Variants in PGPEP1L observed in about 807,000 individuals in gnomAD.
PGPEP1L encodes pyroglutamyl-peptidase 1-like protein.
PGPEP1L carries 7 observed loss-of-function variants against 6.0 expected under a neutral mutation model. The observed-to-expected ratio is 1.17, with a 90% confidence interval of 0.66 to 2.19. The LOEUF (loss-of-function observed/expected upper bound fraction) is 2.19. PGPEP1L is among the 30% of genes most tolerant of loss of function. PGPEP1L has a pLI of 0.00. For synonymous variants in PGPEP1L, 103 were observed against 83.9 expected, an observed-to-expected ratio of 1.23 and a Z score of -1.24; for missense variants, 209 against 192.5, an observed-to-expected ratio of 1.09 and a Z score of -0.51.
chr15:98,993,785 C>T (rs2017850512), intron 2 of PGPEP1L, among the ~76,000 whole-genome samples: 1 of 151,630 alleles, frequency 6.6e-6, no homozygotes, highest in South Asian at 2.1e-4. Context: ...AACAAACCTG[C>T]ACGTTCTGCA....
chr15:99,000,731 C>T (rs1222853879), intron 2 of PGPEP1L, among the ~76,000 whole-genome samples: 2 of 152,068 alleles, frequency 1.3e-5, no homozygotes, highest in Non-Finnish European at 2.9e-5. Flanking sequence ...CACCAATCAG[C>T]ACCCTGTCAA....
intron 2 of PGPEP1L, among the ~76,000 whole-genome samples, chr15:98,989,220 G>A (rs1488545201): frequency 6.6e-6 from 1 of 152,136 alleles, no homozygotes; most frequent in African/African-American, 2.4e-5. Context: ...CCAATGTAAG[G>A]AAGCTAAGAA....
intron 2 of PGPEP1L, among the ~76,000 whole-genome samples, chr15:98,978,414 G>A (rs1305420611): frequency 6.6e-6 from 1 of 152,128 alleles, no homozygotes; most frequent in African/African-American, 2.4e-5. Context: ...CAGCCTGCAG[G>A]CCCAGGCAGG....
chr15:98,994,763 A>G (rs1212224515), intron 2 of PGPEP1L, among the ~76,000 whole-genome samples: 1 of 152,194 alleles, frequency 6.6e-6, no homozygotes, highest in Non-Finnish European at 1.5e-5. Context: ...GTCTTTTGAT[A>G]GTAAACTCTT....
intron 2 of PGPEP1L, among the ~76,000 whole-genome samples, chr15:99,000,741 A>C (rs998663245): frequency 6.6e-6 from 1 of 152,122 alleles, no homozygotes; most frequent in Non-Finnish European, 1.5e-5. Context: ...CACCCTGTCA[A>C]AATGGACCAA....
chr15:98,968,749 G>C (rs1174603328), intron 4 of PGPEP1L, 52 bp from the exon 5 acceptor site: 1 of 1,504,742 alleles, frequency 6.6e-7, no homozygotes, highest in Non-Finnish European at 9.0e-7. Flanking sequence ...TCTAACCTCA[G>C]TGAAACATAC....
intron 2 of PGPEP1L, among the ~76,000 whole-genome samples, chr15:99,004,809 G>A (rs2018025762): frequency 6.6e-6 from 1 of 151,974 alleles, no homozygotes; most frequent in Non-Finnish European, 1.5e-5. Context: ...TGTGGGTGGG[G>A]GTGACTCTGG....
chr15:99,007,400 TCTCA>T lies in PGPEP1L; in HGVS notation c.-415_-412del, dbSNP rs1469712766. On this transcript the variant is annotated 5_prime_UTR_variant, in exon 1 of 5. Coordinates refer to ENST00000535714, the MANE Select transcript of PGPEP1L (RefSeq NM_001167902.2). ...GTGTCCAGAATCGGCGGATTCTTGG[TCTCA>T]CTGACTTCAAGAACGAAGCCGCGGA... is the stretch of plus-strand genomic sequence containing the variant. 9.2e-5 allele frequency: 14 copies of T among 152,410 alleles called. No homozygotes were observed. Among genetic ancestry groups the T allele is most frequent in the African/African-American group, 3.4e-4 (14 of 41,456 alleles). 9.4% of individuals were successfully genotyped at this position (152,410 alleles called of 1,614,324 possible).
chr15:99,003,585 T>C (rs1555473311), intron 2 of PGPEP1L, among the ~76,000 whole-genome samples: 1 of 152,122 alleles, frequency 6.6e-6, no homozygotes, highest in Admixed American at 6.5e-5. Context: ...CCACCATCTG[T>C]CTACATGCCA....
rs2017442262 is a variant in PGPEP1L at position 98,968,686 on chromosome 15, T to C, written c.221A>G (p.Asp74Gly). ...FSRDAGRYVC[D>G]YTYYLSLHHG... Reference sequence around the variant, plus strand: ...ATGCAGAGACAGGTAATAGGTATAATCACAGACGTATCTGCAACCACAGGA... The same window carrying C: ...ATGCAGAGACAGGTAATAGGTATAACCACAGACGTATCTGCAACCACAGGA... The change falls in exon 5 of 5, where the codon GAT becomes GGT. Residue 74 changes from aspartate (D) to glycine (G), a missense_variant. By Grantham distance (94) the Asp-to-Gly change is moderately conservative. Coordinates refer to ENST00000535714, the MANE Select transcript of PGPEP1L (RefSeq NM_001167902.2). 2 of 1,567,336 alleles carry C rather than the reference T, an allele frequency of 1.3e-6. No individual in the cohort carries two copies. The highest frequency in any genetic ancestry group is 1.2e-5 in the South Asian group (1 of 85,164).
intron 2 of PGPEP1L, among the ~76,000 whole-genome samples, chr15:98,984,805 T>C (rs1473878177): frequency 1.3e-5 from 2 of 151,386 alleles, no homozygotes; most frequent in East Asian, 3.9e-4. Flanking sequence ...TCTAAAGAGG[T>C]TGCAATGAAC....
intron 1 of PGPEP1L, among the ~76,000 whole-genome samples, chr15:99,006,961 G>C (rs1555473728): frequency 2.0e-5 from 3 of 152,210 alleles, no homozygotes; most frequent in African/African-American, 7.2e-5. Flanking sequence ...GCGGCCTCTA[G>C]AGAGCTCAGT....
intron 2 of PGPEP1L, among the ~76,000 whole-genome samples, chr15:98,991,399 T>G (rs1330889363): frequency 6.6e-6 from 1 of 152,048 alleles, no homozygotes; most frequent in Non-Finnish European, 1.5e-5. Flanking sequence ...CCTCCCAAGA[T>G]TAAACCAGGA....
At chr15:98,987,926 TGTA>T (rs2017770371) in intron 2 of PGPEP1L, among the ~76,000 whole-genome samples, 1 of 152,090 alleles carries the variant, frequency 6.6e-6, no homozygotes, top group Admixed American at 6.5e-5. Flanking sequence ...TGTGAGAGAC[TGTA>T]CTAGGAGGAA....
intron 2 of PGPEP1L, among the ~76,000 whole-genome samples, chr15:98,981,323 T>C (rs1338273113): frequency 6.6e-6 from 1 of 151,570 alleles, no homozygotes; most frequent in Non-Finnish European, 1.5e-5. Context: ...AAACCCCGTC[T>C]CCACTAAAAA....
At chr15:99,007,114 A>G (rs113342421) in intron 1 of PGPEP1L, among the ~76,000 whole-genome samples, 15,435 of 152,212 alleles carry the variant, frequency 0.1, 896 homozygotes, top group African/African-American at 0.14. Context: ...CCCTTTAATT[A>G]GCTCCTGGTG....
Position 98,969,642 on chromosome 15 carries a change from GC to G in PGPEP1L, c.-10del, listed in dbSNP as rs1227921855. On this transcript the variant is annotated 5_prime_UTR_variant, in exon 4 of 5. Coordinates refer to ENST00000535714, the MANE Select transcript of PGPEP1L (RefSeq NM_001167902.2). Reference sequence around the variant, plus strand: ...TTGGCGGCGGTGTCCATGCCCACATGCACGACGAGCTGTGTGAACGGGTAAC... The same window carrying G: ...TTGGCGGCGGTGTCCATGCCCACATGACGACGAGCTGTGTGAACGGGTAAC... 50 of 1,611,028 alleles carry G rather than the reference GC, an allele frequency of 3.1e-5. No individual in the cohort carries two copies. The highest frequency in any genetic ancestry group is 4.1e-5 in the Non-Finnish European group (48 of 1,179,836).
At chr15:98,969,172 C>T (rs577986905) in intron 4 of PGPEP1L, among the ~76,000 whole-genome samples, 2 of 152,170 alleles carry the variant, frequency 1.3e-5, no homozygotes, top group Non-Finnish European at 2.9e-5. Flanking sequence ...TGAAGTCTGC[C>T]TTCCCATCTC....
chr15:98,984,971 TG>T (rs2017725636), intron 2 of PGPEP1L, among the ~76,000 whole-genome samples: 6 of 150,384 alleles, frequency 4.0e-5, no homozygotes, highest in Admixed American at 3.3e-4. Flanking sequence ...ATGCCATTCC[TG>T]GTAGTGCTCC....
Sources: gnomAD v4.1 joint callset for allele counts (sites outside exome capture counted in the v4.1 genomes callset) on GRCh38, gnomAD v4.1.1 for gene constraint, MANE v1.5 for transcripts, NCBI Gene and HGNC (gene_info 2026-07-23, HGNC 2026-07-21) for gene names.